Variants in SERPINA5 observed in about 807,000 individuals in gnomAD.
SERPINA5 encodes serpin family A member 5.
Under a neutral mutation model 25.3 loss-of-function variants are expected in SERPINA5, and 25 were observed. That is an observed-to-expected ratio of 0.99 (90% confidence interval 0.72 to 1.38). The LOEUF (loss-of-function observed/expected upper bound fraction) is 1.38, where lower values mean the gene tolerates loss of function less well. Among genes scored for constraint, SERPINA5 ranks in the 40% most tolerant of loss-of-function variants. SERPINA5 has a pLI of 0.00. For synonymous variants in SERPINA5, 234 were observed against 206.2 expected (o/e 1.14, Z -1.16); for missense variants, 599 against 509.5 (o/e 1.18, Z -1.69).
chr14:94,590,572 G>T, intron 4 of SERPINA5, 177 bp from the exon 5 acceptor site: 1 of 829,392 alleles, frequency 1.2e-6, no homozygotes, highest in Non-Finnish European at 1.8e-6. Context: ...CAGAGCAAGG[G>T]GAGGCTCATC....
chr14:94,583,420 C>T (rs1203563969), intron 2 of SERPINA5, among the ~76,000 whole-genome samples: 1 of 152,154 alleles, frequency 6.6e-6, no homozygotes, highest in Non-Finnish European at 1.5e-5. Context: ...AACAGGAAGT[C>T]AAGATTACTT....
intron 5 of SERPINA5, among the ~76,000 whole-genome samples, chr14:94,591,515 C>T (rs2139932471): frequency 7.5e-6 from 1 of 133,388 alleles, no homozygotes; most frequent in South Asian, 2.4e-4. Context: ...CATTGCAGTC[C>T]ACTCCACTGC....
Position 94,590,350 on chromosome 14 carries a change from C to T in SERPINA5, c.890+39C>T, listed in dbSNP as rs753539285. On this transcript the variant is annotated intron_variant, in intron 4 of 5. Coordinates refer to ENST00000329597, the MANE Select transcript of SERPINA5 (RefSeq NM_000624.6). ...ACCCCAGGGCCAGCCTAAACCCACA[C>T]AGCCCCAGGGAGACACACACGCCCT... The T allele has an allele frequency of 3.9e-6, 6 of 1,553,734 alleles. No individual in the cohort carries two copies. In the East Asian group the frequency reaches 9.0e-5, roughly 23 times the overall value.
At chr14:94,585,531 C>T (rs1885045504) in intron 2 of SERPINA5, among the ~76,000 whole-genome samples, 1 of 152,220 alleles carries the variant, frequency 6.6e-6, no homozygotes, top group Non-Finnish European at 1.5e-5. Context: ...AGGGATTTCC[C>T]ACCCACCTGT....
chr14:94,583,944 T>C (rs1053605238), intron 2 of SERPINA5, among the ~76,000 whole-genome samples: 11 of 152,176 alleles, frequency 7.2e-5, no homozygotes, highest in Non-Finnish European at 1.2e-4. Flanking sequence ...AACCCTGGAT[T>C]TGAAACTAAG....
chr14:94,590,823 G>T lies in SERPINA5; in HGVS notation c.965G>T (p.Gly322Val). 1 of 1,614,008 alleles carries T rather than the reference G, an allele frequency of 6.2e-7. No individual in the cohort carries two copies. The highest frequency in any genetic ancestry group is 1.7e-5 in the Admixed American group (1 of 60,012). The change falls in exon 5 of 6, where the codon GGG (glycine) becomes GTG (valine). Residue 322 changes from glycine (G) to valine (V), a missense_variant. By Grantham distance (109) the Gly-to-Val change is moderately radical. Coordinates refer to ENST00000329597, the MANE Select transcript of SERPINA5 (RefSeq NM_000624.6). The part of the protein sequence containing the change: ...YQLEKVLPSL[G>V]ISNVFTSHAD... ...CTGGAGAAAGTCCTCCCCAGTCTGG[G>T]GATCAGTAACGTCTTCACCTCCCAT... is the stretch of plus-strand genomic sequence containing the variant.
At chr14:94,584,251 T>G (rs1222322357) in intron 2 of SERPINA5, among the ~76,000 whole-genome samples, 1 of 152,194 alleles carries the variant, frequency 6.6e-6, no homozygotes, top group African/African-American at 2.4e-5. Context: ...TTAGCCTCAG[T>G]CTATTCAATC....
rs1885324386 is a variant in SERPINA5 at position 94,592,097 on chromosome 14, C to T, written c.1079C>T (p.Thr360Ile). The T allele has an allele frequency of 6.2e-7, 1 of 1,613,852 alleles. No individual in the cohort carries two copies. Among genetic ancestry groups the T allele is most frequent in the Non-Finnish European group, 8.5e-7 (1 of 1,179,906 alleles). The stretch of plus-strand genomic sequence containing the variant: ...GTGGTGGAGGTGGACGAGTCGGGAA[C>T]CAGAGCAGCGGCAGCCACGGGGACA... The part of the protein sequence containing the change: ...KAVVEVDESG[T>I]RAAAATGTIF... The change falls in exon 6 of 6, where the codon ACC (threonine) becomes ATC (isoleucine). Residue 360 changes from threonine to isoleucine, a missense_variant. Transcript: ENST00000329597.
chr14:94,590,673 A>T, intron 4 of SERPINA5, 76 bp from the exon 5 acceptor site: 1 of 1,483,034 alleles, frequency 6.7e-7, no homozygotes, highest in Non-Finnish European at 9.2e-7. Flanking sequence ...AATCCAGTGC[A>T]TTATGAATCC....
At position 94,590,800 on chromosome 14, in the gene SERPINA5, G is replaced by A. The variant is rs762002421; in HGVS notation, c.942G>A (p.Leu314=). 1.2e-6 allele frequency: 2 copies of A among 1,613,936 alleles called. No individual in the cohort carries two copies. Among genetic ancestry groups the A allele is most frequent in the African/African-American group, 1.3e-5 (1 of 74,878 alleles). Residue 314 remains leucine (L), a synonymous_variant, in exon 5 of 6, where the codon CTG becomes CTA. Coordinates refer to ENST00000329597, the MANE Select transcript of SERPINA5 (RefSeq NM_000624.6). The stretch of plus-strand genomic sequence containing the variant: ...TCTCCATTGAGGGCTCCTATCAGCT[G>A]GAGAAAGTCCTCCCCAGTCTGGGGA... The part of the protein sequence containing the change: ...PKFSIEGSYQ[L]EKVLPSLGIS...
rs1056818341 is a variant in SERPINA5 at position 94,590,188 on chromosome 14, G to A, written c.767G>A (p.Gly256Glu). The A allele has an allele frequency of 6.2e-7, 1 of 1,614,080 alleles. No homozygotes were observed. The highest frequency in any genetic ancestry group is 1.7e-4 in the Middle Eastern group (1 of 6,060). The change falls in exon 4 of 6, where the codon GGG becomes GAG. Residue 256 changes from glycine to glutamate, a missense_variant. Physicochemically the swap from Gly to Glu is moderately conservative, Grantham distance 98. Coordinates refer to ENST00000329597, the MANE Select transcript of SERPINA5 (RefSeq NM_000624.6). ...CGGAACCTCTCCTGCAGGGTGGTGG[G>A]GGTCCCCTACCAAGGCAATGCCACG... ...LDRNLSCRVV[G>E]VPYQGNATAL...
At chr14:94,586,643 C>A (rs937055465) in intron 2 of SERPINA5, among the ~76,000 whole-genome samples, 1 of 152,176 alleles carries the variant, frequency 6.6e-6, no homozygotes, top group Non-Finnish European at 1.5e-5. Flanking sequence ...ATTTTGGGGG[C>A]ACAATTCAGC....
intron 3 of SERPINA5, 142 bp downstream of exon 3, chr14:94,588,123 C>A: frequency 3.7e-6 from 4 of 1,070,940 alleles, no homozygotes; most frequent in South Asian, 1.6e-5. Flanking sequence ...ATTAAGTAAA[C>A]AAGCAGCCAG....
At chr14:94,589,207 G>T (rs2139929328) in intron 3 of SERPINA5, among the ~76,000 whole-genome samples, 1 of 152,316 alleles carries the variant, frequency 6.6e-6, no homozygotes, top group South Asian at 2.1e-4. Context: ...AACATTTTAG[G>T]AGGCCGAGAT....
rs769049242 is a variant in SERPINA5, at chr14:94,587,864, G to A, written c.502G>A (p.Ala168Thr). ...FPTNFRDSAG[A>T]MKQINDYVAK... ...TACCAACTTTAGGGACTCTGCAGGG[G>A]CCATGAAGCAGATCAATGATTATGT... Residue 168 changes from alanine to threonine, a missense_variant, in exon 3 of 6, where the codon GCC (alanine) becomes ACC (threonine). Coordinates refer to ENST00000329597, the MANE Select transcript of SERPINA5 (RefSeq NM_000624.6). 1.2e-6 allele frequency: 2 copies of A among 1,614,220 alleles called. No homozygotes were observed. Among genetic ancestry groups the A allele is most frequent in the Admixed American group, 1.7e-5 (1 of 60,034 alleles).
At position 94,590,152 on chromosome 14, in the gene SERPINA5, A is replaced by G. The variant is rs1246080693; in HGVS notation, c.731A>G (p.Tyr244Cys). ...ATGAGCCGCGAGGATCAGTATCACT[A>G]CCTCCTGGACCGGAACCTCTCCTGC... ...PMMSREDQYHYLLDRNLSCRV... is the reference protein window; with the variant it reads ...PMMSREDQYHCLLDRNLSCRV... The change falls in exon 4 of 6, where the codon TAC becomes TGC. Residue 244 changes from tyrosine (Y) to cysteine (C), a missense_variant. Physicochemically the swap from Tyr to Cys is radical, Grantham distance 194. Coordinates refer to ENST00000329597, the MANE Select transcript of SERPINA5 (RefSeq NM_000624.6). 1 of 1,613,950 alleles carries G rather than the reference A, an allele frequency of 6.2e-7. No individual in the cohort carries two copies. The highest frequency in any genetic ancestry group is 8.5e-7 in the Non-Finnish European group (1 of 1,179,980).
intron 3 of SERPINA5, among the ~76,000 whole-genome samples, chr14:94,588,731 C>T (rs1885179072): frequency 6.6e-6 from 1 of 152,200 alleles, no homozygotes; most frequent in African/African-American, 2.4e-5. Context: ...CAACAACAAA[C>T]ATATATTTCT....
chr14:94,590,415 C>A lies in SERPINA5; in HGVS notation c.890+104C>A, dbSNP rs956215073. 2.0e-5 allele frequency: 28 copies of A among 1,388,082 alleles called. No homozygotes were observed. The African/African-American group carries it at 3.5e-4, about 17-fold the overall frequency. The allele number at this position is 1,388,082 out of a possible 1,614,324, so 86.0% of individuals were successfully genotyped here. On this transcript the variant is annotated intron_variant, in intron 4 of 5. Coordinates refer to ENST00000329597, the MANE Select transcript of SERPINA5 (RefSeq NM_000624.6). ...GCACTGGTGGGAAGGACTCACCCAGCCAAGGAGCTGCCTCCAGGCCCAGAG... is the reference window on the plus strand; with the variant it reads ...GCACTGGTGGGAAGGACTCACCCAGACAAGGAGCTGCCTCCAGGCCCAGAG...
rs1373146645 is a variant in SERPINA5 at position 94,592,973 on chromosome 14, G to A, written c.*734G>A. ...ATTTAATGATTGATTATATCATTTT[G>A]TGGATATAGTTATAATCTGATGGGC... On this transcript the variant is annotated 3_prime_UTR_variant, in exon 6 of 6. Coordinates refer to ENST00000329597, the MANE Select transcript of SERPINA5 (RefSeq NM_000624.6). The A allele has an allele frequency of 2.6e-5, 4 of 152,008 alleles. No individual in the cohort carries two copies. The highest frequency in any genetic ancestry group is 9.6e-5 in the African/African-American group (4 of 41,460). 9.4% of individuals were successfully genotyped at this position (152,008 alleles called of 1,614,324 possible).
Sources: gnomAD v4.1 joint callset for allele counts (sites outside exome capture counted in the v4.1 genomes callset) on GRCh38, gnomAD v4.1.1 for gene constraint, MANE v1.5 for transcripts, NCBI Gene and HGNC (gene_info 2026-07-23, HGNC 2026-07-21) for gene names.